The following FOXM1 variants were observed in gnomAD, a reference collection of about 807,000 sequenced individuals.
The protein encoded by FOXM1 is forkhead box protein M1.
In FOXM1, 25 loss-of-function variants were observed where a neutral mutation model predicts 63.6. The observed-to-expected ratio is 0.39, with a 90% CI of 0.29 to 0.55. FOXM1 has a LOEUF of 0.55. FOXM1 is among the 20% of genes least tolerant of loss of function. The pLI is 0.60. For synonymous variants in FOXM1, 387 were observed against 376.9 expected, an observed-to-expected ratio of 1.03 and a Z score of -0.31; for missense variants, 879 against 958.7, an observed-to-expected ratio of 0.92 and a Z score of 1.10.
chr12:2,859,853 G>A, intron 8 of FOXM1, 190 bp from the exon 9 acceptor site: 1 of 575,184 alleles, frequency 1.7e-6, no homozygotes, highest in Non-Finnish European at 3.1e-6. Context: ...AGTATGTAGT[G>A]GCATAATTAT....
chr12:2,872,927 G>A lies in FOXM1; in HGVS notation c.503-680C>T, dbSNP rs1416857282. ...AAATTAACTGGGAATGATGGTGCAT[G>A]CCTATAGTCCCAGCTACTTGGGAGG... On this transcript the variant is annotated intron_variant, in intron 2 of 8. Transcript: ENST00000359843. The surrounding 1 kb of genome is among the most constrained non-coding windows in gnomAD (Gnocchi z 4.0). Among the ~76,000 whole-genome samples the A allele has an allele frequency of 6.6e-6, 1 of 152,142 alleles. No homozygotes were observed. Among genetic ancestry groups the A allele is most frequent in the Admixed American group, 6.6e-5 (1 of 15,266 alleles).
At position 2,866,441 on chromosome 12, in the gene FOXM1, G is replaced by A. The variant is rs991066082; in HGVS notation, c.927C>T (p.Thr309=). 6.4e-7 allele frequency: 1 copy of A among 1,562,010 alleles called. No homozygotes were observed. Residue 309 remains threonine, a synonymous_variant, in exon 5 of 9, where the codon ACC becomes ACT. Coordinates refer to ENST00000359843, the MANE Select transcript of FOXM1 (RefSeq NM_021953.4). ...AGTAGCGGTTGGCACTGGGGTGAAT[G>A]GTCCAGAAGGAGACCTTGCCATTGG... is the stretch of plus-strand genomic sequence containing the variant. ...TSANGKVSFW[T]IHPSANRYLT...
intron 3 of FOXM1, among the ~76,000 whole-genome samples, chr12:2,870,508 A>C (rs933886731): frequency 1.4e-4 from 21 of 146,904 alleles, no homozygotes; most frequent in Middle Eastern, 3.8e-3. Flanking sequence ...ACTAAAAATA[A>C]AAAAATTAGC....
chr12:2,865,430 A>C (rs2098121364), intron 5 of FOXM1, 31 bp from the exon 6 acceptor site: 1 of 1,600,104 alleles, frequency 6.2e-7, no homozygotes, highest in African/African-American at 1.3e-5. Flanking sequence ...TGGGAGAGAA[A>C]TGAGATGAAG....
chr12:2,870,657 G>A (rs992793736), intron 3 of FOXM1, among the ~76,000 whole-genome samples: 4 of 145,862 alleles, frequency 2.7e-5, no homozygotes, highest in South Asian at 2.2e-4. Flanking sequence ...GAGAGAATCC[G>A]TCTCAAAAAG....
Position 2,875,105 on chromosome 12 carries a change from G to A in FOXM1, c.-47-580C>T, listed in dbSNP as rs149863033. ...CCTCCTGGGTTTAAGCGAGTCCCAC[G>A]TCTCAGCCTCCTGAGTAGCTGGGAT... On this transcript the variant is annotated intron_variant, in intron 1 of 8. Transcript: ENST00000359843. Among the ~76,000 whole-genome samples the A allele has an allele frequency of 2.7e-3, 407 of 149,580 alleles. 1 individual carries two copies. Among genetic ancestry groups the A allele is most frequent in the Non-Finnish European group, 4.3e-3 (291 of 67,818 alleles).
chr12:2,869,208 G>C (rs2098128706), intron 3 of FOXM1, among the ~76,000 whole-genome samples: 1 of 152,176 alleles, frequency 6.6e-6, no homozygotes. Flanking sequence ...AAGACTATGA[G>C]TCAGACAATG....
At chr12:2,866,765 A>G (rs2098123945) in intron 4 of FOXM1, among the ~76,000 whole-genome samples, 2 of 152,252 alleles carry the variant, frequency 1.3e-5, no homozygotes, top group Non-Finnish European at 1.5e-5. Flanking sequence ...TGTGATAAAG[A>G]AAAGACCTAG....
chr12:2,871,483 A>G (rs2098133168), intron 3 of FOXM1, among the ~76,000 whole-genome samples: 1 of 151,922 alleles, frequency 6.6e-6, no homozygotes, highest in Non-Finnish European at 1.5e-5. Flanking sequence ...CCATCTCTAC[A>G]AAAAATACAA....
At chr12:2,867,970 ACT>A (rs2098126437) in intron 4 of FOXM1, among the ~76,000 whole-genome samples, 1 of 138,558 alleles carries the variant, frequency 7.2e-6, no homozygotes, top group Admixed American at 7.7e-5. Flanking sequence ...ACAGAGCGAG[ACT>A]CTGTCTCAAA....
intron 5 of FOXM1, 127 bp downstream of exon 5, chr12:2,866,266 A>G: frequency 1.1e-6 from 1 of 933,126 alleles, no homozygotes; most frequent in Non-Finnish European, 1.5e-6. Context: ...CAAGTCACTA[A>G]TTGGGTGGCT....
Position 2,858,839 on chromosome 12 carries a change from T to C in FOXM1, c.2091A>G (p.Ile697Met), listed in dbSNP as rs759900571. Reference sequence around the variant, plus strand: ...CCGGGGAGCCTGGCTTGGGGACGTCTATATCTGAGGGAGAAGAGTTGCCAA... The same window carrying C: ...CCGGGGAGCCTGGCTTGGGGACGTCCATATCTGAGGGAGAAGAGTTGCCAA... ...VPFGNSSPSD[I>M]DVPKPGSPEP... The change falls in exon 9 of 9, where the codon ATA (isoleucine) becomes ATG (methionine). Residue 697 changes from isoleucine to methionine, a missense_variant. By Grantham distance (10) the Ile-to-Met change is conservative (BLOSUM62 1). Coordinates refer to ENST00000359843, the MANE Select transcript of FOXM1 (RefSeq NM_021953.4). 9.3e-6 allele frequency: 15 copies of C among 1,614,016 alleles called. No individual in the cohort carries two copies. The highest frequency in any genetic ancestry group is 1.6e-4 in the Middle Eastern group (1 of 6,084).
At position 2,859,213 on chromosome 12, in the gene FOXM1, C is replaced by G; in HGVS notation, c.1717G>C (p.Ala573Pro). The part of the protein sequence containing the change: ...SEGPSTSRWA[A>P]ELPFPADSSD... Reference sequence around the variant, plus strand: ...GAGTCTGCTGGGAACGGGAGCTCTGCGGCCCAGCGGGAAGTACTGGGCCCC... The same window carrying G: ...GAGTCTGCTGGGAACGGGAGCTCTGGGGCCCAGCGGGAAGTACTGGGCCCC... The change falls in exon 9 of 9, where the codon GCA becomes CCA. Residue 573 changes from alanine (A) to proline (P), a missense_variant. Coordinates refer to ENST00000359843, the MANE Select transcript of FOXM1 (RefSeq NM_021953.4). 3 of 1,612,216 alleles carry G rather than the reference C, an allele frequency of 1.9e-6. No individual in the cohort carries two copies. The highest frequency in any genetic ancestry group is 1.7e-6 in the Non-Finnish European group (2 of 1,179,036).
chr12:2,862,745 C>T (rs2098116316), intron 8 of FOXM1, among the ~76,000 whole-genome samples: 1 of 151,128 alleles, frequency 6.6e-6, no homozygotes, highest in Non-Finnish European at 1.5e-5. Flanking sequence ...TCTTACTTTG[C>T]TGCCCAGGCT....
chr12:2,874,580 T>A lies in FOXM1; in HGVS notation c.-47-55A>T. The A allele has an allele frequency of 8.0e-7, 1 of 1,251,492 alleles. No individual in the cohort carries two copies. The highest frequency in any genetic ancestry group is 1.5e-5 in the South Asian group (1 of 68,602). 77.5% of individuals were successfully genotyped at this position (1,251,492 alleles called of 1,614,324 possible). ...AGAGATTGTTTAGGCTGAGAAGAGG[T>A]CCTTTTAGAGAAAGGTGCTCCTCTT... On this transcript the variant is annotated intron_variant, in intron 1 of 8. Coordinates refer to ENST00000359843, the MANE Select transcript of FOXM1 (RefSeq NM_021953.4). This position sits in a 1 kb window ranked among gnomAD's most constrained non-coding sequence, Gnocchi z 4.3.
rs2098118777 is a variant in FOXM1 at position 2,864,047 on chromosome 12, CT to C, written c.1266+272del. 2 of 360,858 alleles carry C rather than the reference CT, an allele frequency of 5.5e-6. No homozygotes were observed. The highest frequency in any genetic ancestry group is 1.0e-5 in the Non-Finnish European group (2 of 196,020). The allele number at this position is 360,858 out of a possible 1,614,324, so 22.4% of individuals were successfully genotyped here. A position where few individuals can be genotyped will look rare whatever the true frequency, so the allele number is the denominator to read the frequency against. On this transcript the variant is annotated intron_variant, in intron 8 of 8. Coordinates refer to ENST00000359843, the MANE Select transcript of FOXM1 (RefSeq NM_021953.4). The surrounding 1 kb of genome is among the most constrained non-coding windows in gnomAD (Gnocchi z 5.1). ...AGGCCTGCCTCCCTTGTGTATCTTC[CT>C]TAATAATCCTAGCCCATCTATCACA...
intron 3 of FOXM1, among the ~76,000 whole-genome samples, chr12:2,871,587 G>T (rs1392849111): frequency 6.6e-6 from 1 of 152,030 alleles, no homozygotes; most frequent in Non-Finnish European, 1.5e-5. Context: ...TGGAGGTCGA[G>T]GCTGCAGAGA....
chr12:2,872,097 T>A lies in FOXM1; in HGVS notation c.653A>T (p.Lys218Met), dbSNP rs2098134153. Reference protein sequence around the residue: ...ENCHLEQRQVKVEEPSRPSAS... With the variant: ...ENCHLEQRQVMVEEPSRPSAS... Reference sequence around the variant, plus strand: ...TTAGTGAGGGACGGAACAATTCACCTTAACCTGTCGCTGCTCCAGGTGACA... The same window carrying A: ...TTAGTGAGGGACGGAACAATTCACCATAACCTGTCGCTGCTCCAGGTGACA... Residue 218 changes from lysine (K) to methionine (M), a missense_variant and splice_region_variant, in exon 3 of 9, where the codon AAG becomes ATG. Lys to Met is a moderately conservative substitution (Grantham distance 95). Coordinates refer to ENST00000359843, the MANE Select transcript of FOXM1 (RefSeq NM_021953.4). The surrounding 1 kb of genome is among the most constrained non-coding windows in gnomAD (Gnocchi z 4.0). 2 of 1,614,190 alleles carry A rather than the reference T, an allele frequency of 1.2e-6. No homozygotes were observed. Among genetic ancestry groups the A allele is most frequent in the East Asian group, 4.5e-5 (2 of 44,884 alleles).
Position 2,868,702 on chromosome 12 carries a change from C to T in FOXM1, c.707G>A (p.Arg236Gln). 1 of 1,613,744 alleles carries T rather than the reference C, an allele frequency of 6.2e-7. No individual in the cohort carries two copies. Among genetic ancestry groups the T allele is most frequent in the Non-Finnish European group, 8.5e-7 (1 of 1,179,870 alleles). ...CATGGCCATGTAAGAGTAGGGTGGC[C>T]GCTCAGACACAGAGTTCTGCCAGGA... ...SASWQNSVSE[R>Q]PPYSYMAMIQ... The change falls in exon 4 of 9, where the codon CGG becomes CAG. Residue 236 changes from arginine (R) to glutamine (Q), a missense_variant. By Grantham distance (43) the Arg-to-Gln change is conservative. This residue lies in a region of FOXM1 where 255 missense variants were observed against 292.4 expected (regional missense o/e 0.87). Transcript: ENST00000359843.
Sources: gnomAD v4.1 joint callset for allele counts (sites outside exome capture counted in the v4.1 genomes callset) on GRCh38, gnomAD v4.1.1 for gene constraint, gnomAD v4.1.1 regional missense constraint, Gnocchi (gnomAD v3.1) non-coding constraint, MANE v1.5 for transcripts, NCBI Gene and HGNC (gene_info 2026-07-23, HGNC 2026-07-21) for gene names.